Variants in ZNF804B observed in about 807,000 individuals in gnomAD.
ZNF804B encodes zinc finger protein 804B.
ZNF804B carries 80 observed loss-of-function variants against 101.4 expected under a neutral mutation model. The ratio of observed to expected loss-of-function variants is 0.79; its 90% confidence interval spans 0.66 to 0.95. ZNF804B has a LOEUF of 0.95. Ranked by LOEUF, ZNF804B falls within the 40% of genes least tolerant of loss-of-function variation. ZNF804B has a pLI of 0.00. For missense variants in ZNF804B, 1,673 were observed against 1,561.9 expected (o/e 1.07, Z -1.20); for synonymous variants, 622 against 558.8 (o/e 1.11, Z -1.59).
intron 1 of ZNF804B, among the ~76,000 whole-genome samples, chr7:88,934,488 A>G (rs1792937093): frequency 6.6e-6 from 1 of 152,026 alleles, no homozygotes; most frequent in African/African-American, 2.4e-5. Flanking sequence ...GAAAACATTC[A>G]CAAACTGTGA....
chr7:89,274,335 A>G (rs1374999838), intron 2 of ZNF804B, among the ~76,000 whole-genome samples: 2 of 83,868 alleles, frequency 2.4e-5, no homozygotes, highest in African/African-American at 1.0e-4. Context: ...CACAGTCCCC[A>G]GAGTGTGATA....
chr7:89,331,899 A>T (rs190700976), intron 3 of ZNF804B, among the ~76,000 whole-genome samples: 1 of 151,686 alleles, frequency 6.6e-6, no homozygotes, highest in Non-Finnish European at 1.5e-5. Flanking sequence ...AAAAAAATGT[A>T]TCTGAACTGA....
Position 88,874,799 on chromosome 7 carries a change from C to A in ZNF804B, c.108+114715C>A, listed in dbSNP as rs369526930. On this transcript the variant is annotated intron_variant, in intron 1 of 3. Coordinates refer to ENST00000333190, the MANE Select transcript of ZNF804B (RefSeq NM_181646.5). ...CCCAGGAATTGAACTCAGCTCTGCA[C>A]CAAGCGGACCTAATAGACATCTACA... 8.4e-3 allele frequency among the ~76,000 whole-genome samples: 1,281 copies of A among 151,618 alleles called. 14 individuals are homozygous for A. The highest frequency in any genetic ancestry group is 0.024 in the Middle Eastern group (7 of 294).
chr7:88,949,386 A>T (rs1793184211), intron 1 of ZNF804B, among the ~76,000 whole-genome samples: 1 of 151,860 alleles, frequency 6.6e-6, no homozygotes, highest in African/African-American at 2.4e-5. Context: ...ACAATGCCAA[A>T]AATCCCCTGG....
At chr7:89,150,429 G>A (rs1021007881) in intron 1 of ZNF804B, among the ~76,000 whole-genome samples, 6 of 152,092 alleles carry the variant, frequency 3.9e-5, no homozygotes, top group Admixed American at 2.6e-4. Flanking sequence ...TGCACTTAGA[G>A]AGAAAAGCAT....
intron 1 of ZNF804B, among the ~76,000 whole-genome samples, chr7:88,957,594 A>C (rs946333884): frequency 6.6e-6 from 1 of 151,382 alleles, no homozygotes; most frequent in African/African-American, 2.4e-5. Flanking sequence ...ATTAATTATG[A>C]AAGAAGATTG....
At chr7:89,078,648 T>C (rs995108149) in intron 1 of ZNF804B, among the ~76,000 whole-genome samples, 8 of 151,874 alleles carry the variant, frequency 5.3e-5, no homozygotes, top group African/African-American at 1.9e-4. Flanking sequence ...CGATTTTTTT[T>C]TTTTTTTGCA....
chr7:88,792,061 A>G (rs1790390281), intron 1 of ZNF804B, among the ~76,000 whole-genome samples: 1 of 152,076 alleles, frequency 6.6e-6, no homozygotes, highest in African/African-American at 2.4e-5. Context: ...TGGATTGCTC[A>G]CAGCATAGTG....
At chr7:89,170,760 C>T (rs1394774708) in intron 1 of ZNF804B, among the ~76,000 whole-genome samples, 1 of 152,222 alleles carries the variant, frequency 6.6e-6, no homozygotes, top group African/African-American at 2.4e-5. Flanking sequence ...AAAGAGAACA[C>T]TCAGCTCTGC....
At chr7:89,133,895 A>G (rs1790590728) in intron 1 of ZNF804B, among the ~76,000 whole-genome samples, 1 of 152,092 alleles carries the variant, frequency 6.6e-6, no homozygotes, top group South Asian at 2.1e-4. Flanking sequence ...TAAAGACACT[A>G]TCTCATTACT....
intron 1 of ZNF804B, among the ~76,000 whole-genome samples, chr7:89,074,832 A>G (rs1244122449): frequency 6.6e-6 from 1 of 152,200 alleles, no homozygotes; most frequent in Non-Finnish European, 1.5e-5. Context: ...AAAAATAATG[A>G]TAGTGATATG....
chr7:88,982,572 T>C (rs145603936), intron 1 of ZNF804B, among the ~76,000 whole-genome samples: 449 of 152,204 alleles, frequency 2.9e-3, no homozygotes, highest in Middle Eastern at 0.01. Flanking sequence ...CAGGTCTGTA[T>C]TGACTGTGTC....
intron 1 of ZNF804B, among the ~76,000 whole-genome samples, chr7:89,171,185 T>C (rs894345142): frequency 6.6e-6 from 1 of 152,220 alleles, no homozygotes; most frequent in Non-Finnish European, 1.5e-5. Flanking sequence ...ACAGCAGTAA[T>C]AAATTATTTG....
At chr7:89,313,287 G>A (rs971713458) in intron 2 of ZNF804B, among the ~76,000 whole-genome samples, 8 of 152,038 alleles carry the variant, frequency 5.3e-5, no homozygotes, top group East Asian at 3.8e-4. Context: ...TTGCCTTGGC[G>A]TTTTACTCTG....
intron 1 of ZNF804B, among the ~76,000 whole-genome samples, chr7:89,144,999 G>A (rs975397453): frequency 2.0e-5 from 3 of 151,840 alleles, no homozygotes; most frequent in Non-Finnish European, 2.9e-5. Flanking sequence ...CCAGCTACTT[G>A]AGAGGTTGAG....
chr7:89,056,108 C>G (rs1336685286), intron 1 of ZNF804B, among the ~76,000 whole-genome samples: 1 of 152,118 alleles, frequency 6.6e-6, no homozygotes, highest in Non-Finnish European at 1.5e-5. Context: ...TCTGAGTCAT[C>G]TTCAAAAGCC....
In ZNF804B at chr7:89,016,770, G is replaced by A. The variant is rs1049980627; in HGVS notation, c.109-201385G>A. ...GTAGTATAGTTTGAAGTCAGGTAGTGTGATGCCTCCAGCTTTGTTCTTTTA... is the reference window on the plus strand; with the variant it reads ...GTAGTATAGTTTGAAGTCAGGTAGTATGATGCCTCCAGCTTTGTTCTTTTA... On this transcript the variant is annotated intron_variant, in intron 1 of 3. Coordinates refer to ENST00000333190, the MANE Select transcript of ZNF804B (RefSeq NM_181646.5). 6.6e-5 allele frequency among the ~76,000 whole-genome samples: 10 copies of A among 152,288 alleles called. No individual in the cohort carries two copies. The South Asian group carries it at 1.0e-3, about 16-fold the overall frequency.
intron 1 of ZNF804B, among the ~76,000 whole-genome samples, chr7:89,161,312 G>C (rs77401846): frequency 0.015 from 2,240 of 151,772 alleles, 47 homozygotes; most frequent in East Asian, 0.031. Flanking sequence ...TACTAGATTT[G>C]GTGCTAAGCT....
At chr7:88,864,192 T>G (rs1791691780) in intron 1 of ZNF804B, among the ~76,000 whole-genome samples, 1 of 152,220 alleles carries the variant, frequency 6.6e-6, no homozygotes, top group East Asian at 1.9e-4. Context: ...TCTAACAATG[T>G]CTTGAGAGTA....
Sources: allele counts gnomAD v4.1 joint callset (sites outside exome capture counted in the v4.1 genomes callset), GRCh38; gene constraint gnomAD v4.1.1; transcripts MANE v1.5; gene names NCBI Gene and HGNC (gene_info 2026-07-23, HGNC 2026-07-21).